The following CDHR3 variants were observed in gnomAD, a reference collection of about 807,000 sequenced individuals.
The protein encoded by CDHR3 is cadherin-related family member 3.
CDHR3 carries 79 observed loss-of-function variants against 86.6 expected under a neutral mutation model. The ratio of observed to expected loss-of-function variants is 0.91; its 90% confidence interval spans 0.76 to 1.10. The LOEUF (loss-of-function observed/expected upper bound fraction) is 1.10. CDHR3 is among the 50% of genes least tolerant of loss of function. The probability of loss-of-function intolerance (pLI) is 0.00; values close to 1 mark genes in which losing one functional copy is unlikely to be tolerated. For missense variants in CDHR3, 1,081 were observed against 1,077.6 expected, an observed-to-expected ratio of 1.00 and a Z score of -0.04; for synonymous variants, 421 against 402.4, an observed-to-expected ratio of 1.05 and a Z score of -0.55.
intron 1 of CDHR3, among the ~76,000 whole-genome samples, chr7:105,969,065 G>C (rs915829979): frequency 1.3e-5 from 2 of 150,584 alleles, no homozygotes; most frequent in Non-Finnish European, 3.0e-5. Context: ...TCCAGCCCGG[G>C]GGACAGAGCG....
At chr7:106,007,193 C>T (rs1834058218) in intron 8 of CDHR3, among the ~76,000 whole-genome samples, 1 of 152,216 alleles carries the variant, frequency 6.6e-6, no homozygotes, top group Admixed American at 6.5e-5. Context: ...GGGCCTGGCC[C>T]ATGAAGCCGT....
chr7:105,968,250 T>C (rs958780154), intron 1 of CDHR3, among the ~76,000 whole-genome samples: 8 of 152,216 alleles, frequency 5.3e-5, no homozygotes, highest in Non-Finnish European at 1.0e-4. Flanking sequence ...AAGAGGTATA[T>C]ATTGTGGAAA....
chr7:105,996,279 G>C lies in CDHR3; in HGVS notation c.638G>C (p.Ser213Thr). ...CATCTCATCGTGGAGGTGAGGGACAGTGGAGGCCTCAAAGCCTCCACAGAG... is the reference window on the plus strand; with the variant it reads ...CATCTCATCGTGGAGGTGAGGGACACTGGAGGCCTCAAAGCCTCCACAGAG... ...SFHLIVEVRD[S>T]GGLKASTELQ... The change falls in exon 6 of 19, where the codon AGT (serine) becomes ACT (threonine). Residue 213 changes from serine (S) to threonine (T), a missense_variant. Coordinates refer to ENST00000317716, the MANE Select transcript of CDHR3 (RefSeq NM_152750.5). 6.3e-7 allele frequency: 1 copy of C among 1,598,276 alleles called. No individual in the cohort carries two copies. Among genetic ancestry groups the C allele is most frequent in the Non-Finnish European group, 8.6e-7 (1 of 1,167,016 alleles).
intron 1 of CDHR3, among the ~76,000 whole-genome samples, chr7:105,968,305 C>A (rs1298677631): frequency 6.6e-6 from 1 of 152,174 alleles, no homozygotes; most frequent in East Asian, 1.9e-4. Context: ...CAACATTTGA[C>A]AATGCTTTAT....
chr7:106,018,139 C>T (rs573103078), intron 12 of CDHR3, 67 bp downstream of exon 12: 1 of 1,314,788 alleles, frequency 7.6e-7, no homozygotes, highest in African/African-American at 1.4e-5. Flanking sequence ...TCTGGCACCC[C>T]CAGAGTGTGG....
intron 1 of CDHR3, among the ~76,000 whole-genome samples, chr7:105,965,636 G>A (rs953501333): frequency 2.2e-5 from 3 of 136,896 alleles, no homozygotes; most frequent in African/African-American, 5.3e-5. Context: ...GCACCCTGGA[G>A]CTCCTCTTGC....
At chr7:106,009,295 C>T (rs1444254770) in intron 8 of CDHR3, among the ~76,000 whole-genome samples, 2 of 152,142 alleles carry the variant, frequency 1.3e-5, no homozygotes, top group Non-Finnish European at 2.9e-5. Flanking sequence ...GTTCCAGGGG[C>T]GGAGGTCTTC....
At chr7:105,988,512 T>C (rs1385469556) in intron 4 of CDHR3, among the ~76,000 whole-genome samples, 2 of 152,194 alleles carry the variant, frequency 1.3e-5, no homozygotes, top group African/African-American at 2.4e-5. Context: ...TTTTTAAAAA[T>C]AGCTATAGGA....
At chr7:106,005,309 A>G (rs890320066) in intron 8 of CDHR3, among the ~76,000 whole-genome samples, 1 of 152,232 alleles carries the variant, frequency 6.6e-6, no homozygotes, top group Non-Finnish European at 1.5e-5. Flanking sequence ...TCTATTTGCT[A>G]TTATTTTACA....
chr7:105,991,934 C>A (rs1831418056), intron 4 of CDHR3, among the ~76,000 whole-genome samples: 1 of 152,178 alleles, frequency 6.6e-6, no homozygotes, highest in South Asian at 2.1e-4. Flanking sequence ...TTTGCAGGCA[C>A]TCACATGGCT....
intron 1 of CDHR3, among the ~76,000 whole-genome samples, chr7:105,966,041 T>C (rs1826871339): frequency 6.6e-6 from 1 of 152,132 alleles, no homozygotes; most frequent in Non-Finnish European, 1.5e-5. Flanking sequence ...TAGTGCCTAT[T>C]CCACCAACAG....
intron 17 of CDHR3, among the ~76,000 whole-genome samples, 152 bp downstream of exon 17, chr7:106,028,734 G>A (rs973946928): frequency 2.0e-5 from 3 of 152,086 alleles, no homozygotes; most frequent in African/African-American, 4.8e-5. Context: ...GCTGTGTGAC[G>A]AGCTCCTGAT....
intron 1 of CDHR3, among the ~76,000 whole-genome samples, chr7:105,974,360 A>G (rs889706254): frequency 5.9e-5 from 9 of 152,336 alleles, no homozygotes; most frequent in African/African-American, 1.9e-4. Context: ...GAGATTTACC[A>G]TGATTTTGGT....
chr7:106,021,007 C>T (rs1272884242), intron 13 of CDHR3, among the ~76,000 whole-genome samples: 2 of 152,114 alleles, frequency 1.3e-5, no homozygotes, highest in East Asian at 1.9e-4. Context: ...TCCAACTTTT[C>T]GACCACCTCT....
chr7:105,985,702 C>G (rs1404937193), intron 4 of CDHR3, among the ~76,000 whole-genome samples: 1 of 151,718 alleles, frequency 6.6e-6, no homozygotes, highest in Non-Finnish European at 1.5e-5. Flanking sequence ...CTCATTCATT[C>G]ATGTTAATAT....
intron 4 of CDHR3, 78 bp downstream of exon 4, chr7:105,984,367 C>G (rs866248977): frequency 4.4e-6 from 5 of 1,134,488 alleles, no homozygotes; most frequent in Non-Finnish European, 6.3e-6. Flanking sequence ...TGAGTCTTGG[C>G]GGGGTGAGTT....
At chr7:106,028,394 G>T in intron 16 of CDHR3, 157 bp from the exon 17 acceptor site, 1 of 797,656 alleles carries the variant, frequency 1.3e-6, no homozygotes, top group Non-Finnish European at 2.2e-6. Context: ...AAGATGGAAA[G>T]TTGTCAAGAA....
chr7:105,996,240 TC>T lies in CDHR3; in HGVS notation c.609-7del. ...GCTTGATTCTCTCACGTGGAATGTT[TC>T]CCTGGCAGTTTCCATCTCATCGTGG... On this transcript the variant is annotated splice_polypyrimidine_tract_variant and intron_variant, in intron 5 of 18. Coordinates refer to ENST00000317716, the MANE Select transcript of CDHR3 (RefSeq NM_152750.5). The T allele has an allele frequency of 6.7e-7, 1 of 1,492,734 alleles. No individual in the cohort carries two copies. Among genetic ancestry groups the T allele is most frequent in the Non-Finnish European group, 9.3e-7 (1 of 1,073,042 alleles). 92.5% of individuals were successfully genotyped at this position (1,492,734 alleles called of 1,614,324 possible).
chr7:105,972,405 C>T (rs2115626431), intron 1 of CDHR3, among the ~76,000 whole-genome samples: 1 of 152,198 alleles, frequency 6.6e-6, no homozygotes, highest in Middle Eastern at 3.4e-3. Context: ...GCACGAGTCA[C>T]TGGAGAGGGT....
Sources: gnomAD v4.1 joint callset for allele counts (sites outside exome capture counted in the v4.1 genomes callset) on GRCh38, gnomAD v4.1.1 for gene constraint, MANE v1.5 for transcripts, NCBI Gene and HGNC (gene_info 2026-07-23, HGNC 2026-07-21) for gene names.